The following NSRP1 variants were observed in gnomAD, a reference collection of about 807,000 sequenced individuals.
NSRP1 encodes nuclear speckle splicing regulatory protein 1.
NSRP1 carries 24 observed loss-of-function variants against 54.7 expected under a neutral mutation model. That is an observed-to-expected ratio of 0.44 (90% CI 0.32 to 0.62). NSRP1 has a LOEUF of 0.62. Ranked by LOEUF, NSRP1 falls within the 20% of genes least tolerant of loss-of-function variation. The pLI is 0.06. For missense variants in NSRP1, 596 were observed against 651.2 expected (o/e 0.92, Z 0.92); for synonymous variants, 210 against 213.8 (o/e 0.98, Z 0.15).
chr17:30,171,985 CT>C (rs1476375832), intron 2 of NSRP1, among the ~76,000 whole-genome samples: 2 of 109,818 alleles, frequency 1.8e-5, no homozygotes, highest in African/African-American at 2.7e-5. Context: ...CCCTCTCTCT[CT>C]CTCTCTCTCT....
intron 2 of NSRP1, among the ~76,000 whole-genome samples, chr17:30,138,909 GTTTTTTTTTTTTT>G (rs964449971): frequency 6.9e-5 from 4 of 58,140 alleles, no homozygotes; most frequent in African/African-American, 2.6e-4. Context: ...AAGTCTTAGC[GTTTTTTTTTTTTT>G]TTTTTTTTTT....
At chr17:30,177,071 G>A (rs888588567) in intron 3 of NSRP1, among the ~76,000 whole-genome samples, 3 of 151,974 alleles carry the variant, frequency 2.0e-5, no homozygotes, top group African/African-American at 7.2e-5. Flanking sequence ...TGTAAAACAG[G>A]AAGTAAAAAC....
At chr17:30,160,237 A>G (rs1904466952) in intron 2 of NSRP1, among the ~76,000 whole-genome samples, 1 of 151,912 alleles carries the variant, frequency 6.6e-6, no homozygotes. Flanking sequence ...TCTGTGTTCA[A>G]CTATGGCCTG....
intron 2 of NSRP1, among the ~76,000 whole-genome samples, chr17:30,118,940 G>T (rs946203735): frequency 6.6e-6 from 1 of 151,796 alleles, no homozygotes; most frequent in Non-Finnish European, 1.5e-5. Flanking sequence ...TAGAGACAGG[G>T]TCTCACCATG....
intron 2 of NSRP1, among the ~76,000 whole-genome samples, chr17:30,137,570 G>A (rs2071761411): frequency 6.6e-6 from 1 of 152,252 alleles, no homozygotes; most frequent in Non-Finnish European, 1.5e-5. Flanking sequence ...TAGCATGAGC[G>A]AGAAATAAAC....
intron 2 of NSRP1, among the ~76,000 whole-genome samples, chr17:30,172,277 G>A (rs1013647800): frequency 1.3e-5 from 2 of 152,118 alleles, no homozygotes; most frequent in Admixed American, 6.5e-5. Context: ...CAGAAAACAG[G>A]TTGAGCATCC....
At position 30,138,921 on chromosome 17, in the gene NSRP1, T is replaced by TTTTG. The variant is rs1555578504; in HGVS notation, c.114+20751_114+20752insGTTT. Among the ~76,000 whole-genome samples the TTTTG allele has an allele frequency of 1.3e-4, 18 of 133,860 alleles. 2 individuals carry two copies. The East Asian group carries it at 3.4e-3, about 25-fold the overall frequency. The allele number at this position is 133,860 out of a possible 152,430, so 87.8% of individuals were successfully genotyped here. A position where few individuals can be genotyped will look rare whatever the true frequency, so the allele number is the denominator to read the frequency against. ...CTCAAGTCTTAGCGTTTTTTTTTTT[T>TTTTG]TTTTTTTTTTTTTTGAGATGGAGTC... is the stretch of plus-strand genomic sequence containing the variant. On this transcript the variant is annotated intron_variant, in intron 2 of 6. Coordinates refer to ENST00000247026, the MANE Select transcript of NSRP1 (RefSeq NM_032141.4).
chr17:30,143,800 ATAAT>A lies in NSRP1; in HGVS notation c.114+25629_114+25632del, dbSNP rs1323614339. 2.6e-5 allele frequency among the ~76,000 whole-genome samples: 4 copies of A among 152,160 alleles called. No homozygotes were observed. The East Asian group carries it at 7.7e-4, about 29-fold the overall frequency. Reference sequence around the variant, plus strand: ...AGCACAGTAGGGTGACTAGTCAATAATAATTTGTATATTTTAAAATAAAGAATGT... The same window carrying A: ...AGCACAGTAGGGTGACTAGTCAATAATTGTATATTTTAAAATAAAGAATGT... On this transcript the variant is annotated intron_variant, in intron 2 of 6. Transcript: ENST00000247026.
chr17:30,117,863 G>T, intron 1 of NSRP1: 1 of 394,448 alleles, frequency 2.5e-6, no homozygotes, highest in Non-Finnish European at 4.5e-6. Flanking sequence ...ATTCGAGTTT[G>T]GCCCGTGTCC....
intron 2 of NSRP1, among the ~76,000 whole-genome samples, chr17:30,149,693 A>G (rs1210897100): frequency 1.3e-5 from 2 of 151,944 alleles, no homozygotes; most frequent in African/African-American, 4.8e-5. Context: ...TTAGTTAGGC[A>G]TGCTTGTGGC....
Position 30,178,058 on chromosome 17 carries a change from A to AT in NSRP1, c.172-4dup, listed in dbSNP as rs546036252. 113 of 1,598,394 alleles carry AT rather than the reference A, an allele frequency of 7.1e-5. No homozygotes were observed. The highest frequency in any genetic ancestry group is 5.0e-4 in the Middle Eastern group (3 of 6,030). ...GGCTCATATTTTTGAAACATGTTTA[A>AT]TTTTTTTTTAAGACCAAACTGGAAA... On this transcript the variant is annotated splice_polypyrimidine_tract_variant and intron_variant, in intron 3 of 6. Transcript: ENST00000247026.
At chr17:30,153,725 C>A (rs1030465976) in intron 2 of NSRP1, among the ~76,000 whole-genome samples, 3 of 152,126 alleles carry the variant, frequency 2.0e-5, no homozygotes, top group Non-Finnish European at 4.4e-5. Context: ...CATGGTCCAC[C>A]AACCTGTGTA....
At chr17:30,156,087 G>A (rs1005288635) in intron 2 of NSRP1, among the ~76,000 whole-genome samples, 4 of 151,866 alleles carry the variant, frequency 2.6e-5, no homozygotes, top group Admixed American at 2.0e-4. Context: ...CGATCTGCCC[G>A]CCTCGGCCTC....
chr17:30,164,010 A>C (rs544332688), intron 2 of NSRP1, among the ~76,000 whole-genome samples: 98 of 151,254 alleles, frequency 6.5e-4, no homozygotes, highest in African/African-American at 2.2e-3. Flanking sequence ...TACCCCTTAT[A>C]ATGTGTATGT....
At chr17:30,146,878 A>G (rs539392094) in intron 2 of NSRP1, among the ~76,000 whole-genome samples, 1 of 152,362 alleles carries the variant, frequency 6.6e-6, no homozygotes, top group East Asian at 1.9e-4. Flanking sequence ...GGCGCAAGCC[A>G]CCACACCTGA....
chr17:30,135,777 C>T (rs769694369), intron 2 of NSRP1, among the ~76,000 whole-genome samples: 1 of 152,064 alleles, frequency 6.6e-6, no homozygotes, highest in Non-Finnish European at 1.5e-5. Context: ...GTGTTGGCAC[C>T]AGTTTTTGAT....
chr17:30,137,498 G>C (rs1298605608), intron 2 of NSRP1, among the ~76,000 whole-genome samples: 2 of 152,166 alleles, frequency 1.3e-5, no homozygotes, highest in Non-Finnish European at 2.9e-5. Context: ...TAGGTACTGT[G>C]CCTTCAGCTT....
At chr17:30,169,337 G>A (rs1237469372) in intron 2 of NSRP1, among the ~76,000 whole-genome samples, 1 of 151,940 alleles carries the variant, frequency 6.6e-6, no homozygotes, top group Admixed American at 6.6e-5. Flanking sequence ...CAGATTAAAG[G>A]TGACAGACTG....
chr17:30,178,022 A>T (rs778210818), intron 3 of NSRP1, 49 bp from the exon 4 acceptor site: 2 of 1,583,072 alleles, frequency 1.3e-6, no homozygotes, highest in South Asian at 2.3e-5. Context: ...ACTTTGTTGT[A>T]TCTATTGGCT....
Sources: allele counts gnomAD v4.1 joint callset (sites outside exome capture counted in the v4.1 genomes callset), GRCh38; gene constraint gnomAD v4.1.1; transcripts MANE v1.5; gene names NCBI Gene and HGNC (gene_info 2026-07-23, HGNC 2026-07-21).